Variants in JAK2 observed in about 807,000 individuals in gnomAD.
JAK2 encodes the protein tyrosine-protein kinase JAK2.
Under a neutral mutation model 139.3 loss-of-function variants are expected in JAK2, and 86 were observed. The ratio of observed to expected loss-of-function variants is 0.62; its 90% CI spans 0.52 to 0.74. JAK2 has a LOEUF of 0.74. JAK2 is among the 30% of genes least tolerant of loss of function. The pLI is 0.00. For missense variants in JAK2, 1,421 were observed against 1,360.3 expected (o/e 1.04, Z -0.70); for synonymous variants, 490 against 437.7 (o/e 1.12, Z -1.49).
intron 7 of JAK2, 85 bp from the exon 8 acceptor site, chr9:5,055,584 G>T (rs1817704027): frequency 9.4e-7 from 1 of 1,066,660 alleles, no homozygotes; most frequent in Non-Finnish European, 1.3e-6. Context: ...AAAGAATTTG[G>T]AAAGAATGTT....
At chr9:5,123,180 T>G in intron 23 of JAK2, 59 bp downstream of exon 23, 1 of 1,193,282 alleles carries the variant, frequency 8.4e-7, no homozygotes, top group Non-Finnish European at 1.2e-6. Flanking sequence ...TTTTATAAAT[T>G]TATGGGGTAC....
intron 2 of JAK2, among the ~76,000 whole-genome samples, chr9:4,990,489 A>G (rs369219818): frequency 2.7e-4 from 41 of 152,210 alleles, no homozygotes; most frequent in African/African-American, 8.7e-4. Context: ...ACAGTGGGAC[A>G]TATGACTAGA....
intron 22 of JAK2, among the ~76,000 whole-genome samples, chr9:5,091,956 T>A (rs1256148482): frequency 6.6e-6 from 1 of 152,102 alleles, no homozygotes; most frequent in Non-Finnish European, 1.5e-5. Context: ...GAAGTAGGGA[T>A]AATACTGTTA....
At chr9:5,115,931 T>G (rs1406936096) in intron 22 of JAK2, among the ~76,000 whole-genome samples, 2 of 152,036 alleles carry the variant, frequency 1.3e-5, no homozygotes, top group Non-Finnish European at 2.9e-5. Flanking sequence ...AGGGGAGGGA[T>G]AGCTTTAAGA....
intron 4 of JAK2, chr9:5,042,001 C>T: frequency 2.9e-6 from 1 of 350,226 alleles, no homozygotes; most frequent in South Asian, 2.3e-5. Flanking sequence ...CCTTGGGGCC[C>T]ACCCACAGCG....
At chr9:4,997,294 A>C (rs1340045491) in intron 2 of JAK2, among the ~76,000 whole-genome samples, 1 of 152,166 alleles carries the variant, frequency 6.6e-6, no homozygotes, top group Admixed American at 6.5e-5. Context: ...TATAAAGAAA[A>C]GAGATTTAAT....
At chr9:5,048,111 G>C (rs531714972) in intron 5 of JAK2, among the ~76,000 whole-genome samples, 1 of 151,832 alleles carries the variant, frequency 6.6e-6, no homozygotes, top group Non-Finnish European at 1.5e-5. Context: ...ATTTCCACAT[G>C]AGCAGAATTT....
At chr9:5,119,585 T>G (rs746313606) in intron 22 of JAK2, among the ~76,000 whole-genome samples, 4 of 152,080 alleles carry the variant, frequency 2.6e-5, no homozygotes, top group Non-Finnish European at 5.9e-5. Flanking sequence ...TTCTCATTAC[T>G]TAATTTGCAA....
chr9:5,111,689 G>C, intron 22 of JAK2: 2 of 427,300 alleles, frequency 4.7e-6, no homozygotes, highest in East Asian at 6.7e-5. Context: ...CAGTGGCGGA[G>C]GCAGCAGCAC....
intron 2 of JAK2, among the ~76,000 whole-genome samples, chr9:5,018,404 T>C (rs1822206457): frequency 6.6e-6 from 1 of 152,172 alleles, no homozygotes; most frequent in Admixed American, 6.5e-5. Flanking sequence ...GGTGTGATCA[T>C]GGCTCACTGC....
chr9:5,123,145 T>C (rs776214391), intron 23 of JAK2, 24 bp downstream of exon 23: 7 of 1,480,240 alleles, frequency 4.7e-6, no homozygotes. Flanking sequence ...TTATTTACTT[T>C]CAGTTTTTTG....
chr9:5,095,690 C>T (rs1028104255), intron 22 of JAK2, among the ~76,000 whole-genome samples: 2 of 152,190 alleles, frequency 1.3e-5, no homozygotes, highest in African/African-American at 2.4e-5. Context: ...AGTCTCCTAT[C>T]TATCACAATC....
intron 10 of JAK2, among the ~76,000 whole-genome samples, chr9:5,067,362 A>G (rs1420220958): frequency 2.0e-5 from 3 of 152,176 alleles, no homozygotes; most frequent in African/African-American, 7.2e-5. Context: ...ATCTATGATT[A>G]TATACTATCA....
rs1277152970 is a variant in JAK2, at chr9:5,114,245, A to T, written c.3060-8759A>T. The T allele has an allele frequency of 9.4e-5, 50 of 534,104 alleles. 1 individual carries two copies. The highest frequency in any genetic ancestry group is 7.7e-4 in the South Asian group (47 of 60,860). The allele number at this position is 534,104 out of a possible 1,614,324, so 33.1% of individuals were successfully genotyped here. On this transcript the variant is annotated intron_variant, in intron 22 of 24. Transcript: ENST00000381652. ...ACCTGTTCATCCGCAAGTTGCCCAC[A>T]ATCACCTGTCTGGTGGTGGACCTGG...
intron 2 of JAK2, among the ~76,000 whole-genome samples, chr9:5,001,109 C>A (rs1424657775): frequency 6.6e-6 from 1 of 152,136 alleles, no homozygotes; most frequent in Non-Finnish European, 1.5e-5. Context: ...TTGGTAGAAT[C>A]CTCAGCATTT....
chr9:5,031,025 T>C (rs1823112223), intron 4 of JAK2, among the ~76,000 whole-genome samples: 1 of 152,068 alleles, frequency 6.6e-6, no homozygotes, highest in Non-Finnish European at 1.5e-5. Context: ...CCAGGAATGG[T>C]CTTAATAAGA....
Position 5,027,607 on chromosome 9 carries a change from A to G in JAK2, c.227-2176A>G, listed in dbSNP as rs148834381. Among the ~76,000 whole-genome samples, 11 of 152,314 alleles carry G rather than the reference A, an allele frequency of 7.2e-5. No homozygotes were observed. In the East Asian group the frequency reaches 1.9e-3, roughly 27 times the overall value. On this transcript the variant is annotated intron_variant, in intron 3 of 24. Coordinates refer to ENST00000381652, the MANE Select transcript of JAK2 (RefSeq NM_004972.4). ...GTGAAAGATGTCTCTGTAGTATGCA[A>G]TGCTATTTGATAGCATTTTACCCGC...
rs533274609 is a variant in JAK2 at position 5,039,980 on chromosome 9, A to C, written c.351-4423A>C. 2.0e-5 allele frequency among the ~76,000 whole-genome samples: 3 copies of C among 152,352 alleles called. No individual in the cohort carries two copies. In the East Asian group the frequency reaches 5.8e-4, roughly 29 times the overall value. ...AGGTTAATCATAAATTTATATAAAA[A>C]GCAAAGGGACTTAGCATAGCTAAAA... On this transcript the variant is annotated intron_variant, in intron 4 of 24. Coordinates refer to ENST00000381652, the MANE Select transcript of JAK2 (RefSeq NM_004972.4).
intron 22 of JAK2, among the ~76,000 whole-genome samples, chr9:5,115,408 A>G (rs978262795): frequency 5.9e-5 from 9 of 152,232 alleles, no homozygotes; most frequent in Admixed American, 2.0e-4. Flanking sequence ...AAGTCAGGCA[A>G]CAACAGATGC....
Sources: gnomAD v4.1 joint callset for allele counts (sites outside exome capture counted in the v4.1 genomes callset) on GRCh38, gnomAD v4.1.1 for gene constraint, MANE v1.5 for transcripts, NCBI Gene and HGNC (gene_info 2026-07-23, HGNC 2026-07-21) for gene names.